Variants in TBC1D9B observed in about 807,000 individuals in gnomAD.
The protein encoded by TBC1D9B is TBC1 domain family, member 9B (with GRAM domain).
In TBC1D9B, 87 loss-of-function variants were observed where a neutral mutation model predicts 121.1. The observed-to-expected ratio is 0.72, with a 90% CI of 0.60 to 0.86. TBC1D9B has a LOEUF of 0.86. Among genes scored for constraint, TBC1D9B ranks in the 40% least tolerant of loss-of-function variants. The pLI, the probability that TBC1D9B is intolerant of heterozygous loss-of-function variation, is 0.00. For synonymous variants in TBC1D9B, 668 were observed against 670.1 expected (o/e 1.00, Z 0.05); for missense variants, 1,540 against 1,628.6 (o/e 0.95, Z 0.94).
In TBC1D9B at chr5:179,888,122, A is replaced by T. The variant is rs1038311823; in HGVS notation, c.1235T>A (p.Val412Asp). 6.2e-7 allele frequency: 1 copy of T among 1,613,730 alleles called. No individual in the cohort carries two copies. The highest frequency in any genetic ancestry group is 8.5e-7 in the Non-Finnish European group (1 of 1,179,930). Reference sequence around the variant, plus strand: ...TCTCACCTCTGTGCTAGGGTCCACAACACTGGCTTTCCTGCTCCCGATACT... The same window carrying T: ...TCTCACCTCTGTGCTAGGGTCCACATCACTGGCTTTCCTGCTCCCGATACT... ...PGSIGSRKAS[V>D]VDPSTESSPA... is the part of the protein sequence containing the mutation. Residue 412 changes from valine (V) to aspartate (D), a missense_variant, in exon 7 of 21, where the codon GTT becomes GAT. Transcript: ENST00000355235.
rs764640772 is a variant in TBC1D9B, at chr5:179,888,301, G to A, written c.1056C>T (p.Val352=). The change falls in exon 7 of 21, where the codon GTC becomes GTT. Residue 352 remains valine (V), a synonymous_variant. Coordinates refer to ENST00000355235, the MANE Select transcript of TBC1D9B (RefSeq NM_015043.4). ...GCACGCTGGAGCTGTCAGCTTTTTC[G>A]ACAATGGTCACCTGAGAAGGTGAAA... The part of the protein sequence containing the change: ...LIIPLREVTI[V]EKADSSSVLP... 4.3e-6 allele frequency: 7 copies of A among 1,610,628 alleles called. No homozygotes were observed. The South Asian group carries it at 6.6e-5, about 15-fold the overall frequency.
At chr5:179,898,480 A>G (rs927253289) in intron 3 of TBC1D9B, among the ~76,000 whole-genome samples, 1 of 148,782 alleles carries the variant, frequency 6.7e-6, no homozygotes, top group African/African-American at 2.5e-5. Flanking sequence ...ATGGAGTCTC[A>G]CTCTGTCACC....
rs1183490314 is a variant in TBC1D9B, at chr5:179,907,210, G to A, written c.118+494C>T. Among the ~76,000 whole-genome samples the A allele has an allele frequency of 8.5e-5, 13 of 152,286 alleles. No individual in the cohort carries two copies. In the East Asian group the frequency reaches 2.5e-3, roughly 29 times the overall value. ...GGAATGGGGGTGCGGCCAGCTCCAG[G>A]GACCTCTGATCTTGCTAAAAGGGCG... On this transcript the variant is annotated intron_variant, in intron 1 of 20. Transcript: ENST00000355235. The surrounding 1 kb of genome is among the most constrained non-coding windows in gnomAD (Gnocchi z 5.3).
chr5:179,892,460 G>C (rs1760893649), intron 5 of TBC1D9B, among the ~76,000 whole-genome samples: 1 of 152,234 alleles, frequency 6.6e-6, no homozygotes, highest in African/African-American at 2.4e-5. Context: ...GGTCAGGCTG[G>C]CTGTGGGACC....
At chr5:179,876,093 C>CT in intron 10 of TBC1D9B, 56 bp from the exon 11 acceptor site, 1 of 1,475,108 alleles carries the variant, frequency 6.8e-7, no homozygotes, top group Non-Finnish European at 9.3e-7. Flanking sequence ...GCAAATAAAA[C>CT]TGTCTCTCCC....
At chr5:179,900,490 C>T (rs185408909) in intron 2 of TBC1D9B, among the ~76,000 whole-genome samples, 2 of 152,256 alleles carry the variant, frequency 1.3e-5, no homozygotes, top group East Asian at 1.9e-4. Context: ...AAGACAGCCT[C>T]AGCCAAGACA....
chr5:179,894,579 G>A lies in TBC1D9B; in HGVS notation c.384C>T (p.Pro128=), dbSNP rs112774492. The A allele has an allele frequency of 3.6e-4, 586 of 1,614,226 alleles. 3 individuals carry two copies. In the African/African-American group the frequency reaches 6.8e-3, roughly 19 times the overall value. ...IIAEENKNLQ[P]QGDEDPGKFK... is the part of the protein sequence containing the mutation. ...ACTTCCCGGGGTCCTCGTCTCCCTG[G>A]GGCTGCAGGTTCTTGTTCTCTTCTG... Residue 128 remains proline (P), a synonymous_variant, in exon 4 of 21, where the codon CCC becomes CCT. Transcript: ENST00000355235.
Position 179,879,106 on chromosome 5 carries a change from G to T in TBC1D9B, c.1508C>A (p.Ala503Glu), listed in dbSNP as rs367934536. 38 of 1,607,604 alleles carry T rather than the reference G, an allele frequency of 2.4e-5. 1 individual carries two copies. The Middle Eastern group carries it at 4.9e-4, about 21-fold the overall frequency. The change falls in exon 9 of 21, where the codon GCA becomes GAA. Residue 503 changes from alanine to glutamate, a missense_variant. By Grantham distance (107) the Ala-to-Glu change is moderately radical. Coordinates refer to ENST00000355235, the MANE Select transcript of TBC1D9B (RefSeq NM_015043.4). ...CTCAGGGATACCCTTCAGGACCAGT[G>T]CCCGCGTCTTGGCTGTGCGGTACAT... ...VCMYRTAKTR[A>E]LVLKGIPESL...
chr5:179,889,395 G>C (rs1188254006), intron 6 of TBC1D9B, among the ~76,000 whole-genome samples: 1 of 152,130 alleles, frequency 6.6e-6, no homozygotes, highest in South Asian at 2.1e-4. Context: ...AGGTCTGAGA[G>C]GGGGAGAGGC....
At chr5:179,894,026 G>A (rs1582099383) in intron 4 of TBC1D9B, among the ~76,000 whole-genome samples, 1 of 152,164 alleles carries the variant, frequency 6.6e-6, no homozygotes, top group East Asian at 1.9e-4. Flanking sequence ...ATGTCTGTAG[G>A]GAGGAACCTG....
intron 8 of TBC1D9B, 116 bp from the exon 9 acceptor site, chr5:179,879,313 CTTCCTCGCAA>C: frequency 1.4e-6 from 2 of 1,442,412 alleles, no homozygotes; most frequent in Non-Finnish European, 1.8e-6. Flanking sequence ...CAAGTGTGGC[CTTCCTCGCAA>C]TTCCCGGGAA....
chr5:179,878,425 C>G lies in TBC1D9B; in HGVS notation c.1666G>C (p.Asp556His). 3 of 1,613,338 alleles carry G rather than the reference C, an allele frequency of 1.9e-6. No individual in the cohort carries two copies. Among genetic ancestry groups the G allele is most frequent in the Non-Finnish European group, 2.5e-6 (3 of 1,179,728 alleles). The change falls in exon 10 of 21, where the codon GAC becomes CAC. Residue 556 changes from aspartate to histidine, a missense_variant. Transcript: ENST00000355235. Reference protein sequence around the residue: ...YSLATEEIERDLHRSMPEHPA... With the variant: ...YSLATEEIERHLHRSMPEHPA... ...TGCTCGGGCATGGAGCGGTGCAGGTCTCGCTCGATCTCCTCTGTGGCCAGG... is the reference window on the plus strand; with the variant it reads ...TGCTCGGGCATGGAGCGGTGCAGGTGTCGCTCGATCTCCTCTGTGGCCAGG...
chr5:179,879,388 C>T (rs944530383), intron 8 of TBC1D9B, 191 bp from the exon 9 acceptor site: 11 of 1,054,682 alleles, frequency 1.0e-5, no homozygotes, highest in African/African-American at 3.2e-5. Context: ...AGCTCCTCAG[C>T]GGGAGGGCCC....
chr5:179,890,633 T>G lies in TBC1D9B; in HGVS notation c.1044+746A>C, dbSNP rs1007599183. On this transcript the variant is annotated intron_variant, in intron 6 of 20. Transcript: ENST00000355235. This position sits in a 1 kb window ranked among gnomAD's most constrained non-coding sequence, Gnocchi z 5.0. ...GGGATTTGTGCAAATGGCAGGGAGG[T>G]CTTTAAGTTAAGAATCTCACTTGAT... 6.6e-6 allele frequency among the ~76,000 whole-genome samples: 1 copy of G among 152,110 alleles called. No homozygotes were observed. The highest frequency in any genetic ancestry group is 2.4e-5 in the African/African-American group (1 of 41,408).
rs2113602610 is a variant in TBC1D9B, at chr5:179,867,845, C to G, written c.2796G>C (p.Leu932=). ...GGGCTGACTCGGCTTCCTCTGGGCTCAGAGCTGTGCTTGGAGAGAAGGCAG... is the reference window on the plus strand; with the variant it reads ...GGGCTGACTCGGCTTCCTCTGGGCTGAGAGCTGTGCTTGGAGAGAAGGCAG... The part of the protein sequence containing the change: ...VLYKLHLPPA[L]SPEEAESALE... The change falls in exon 18 of 21, where the codon CTG becomes CTC. Residue 932 remains leucine (L), a synonymous_variant. Transcript: ENST00000355235. 2 of 1,517,432 alleles carry G rather than the reference C, an allele frequency of 1.3e-6. No individual in the cohort carries two copies. Among genetic ancestry groups the G allele is most frequent in the East Asian group, 2.3e-5 (1 of 43,944 alleles). The allele number at this position is 1,517,432 out of a possible 1,614,324, so 94.0% of individuals were successfully genotyped here. A position where few individuals can be genotyped will look rare whatever the true frequency, so the allele number is the denominator to read the frequency against.
chr5:179,875,786 G>C lies in TBC1D9B; in HGVS notation c.1900+134C>G. 1.6e-6 allele frequency: 1 copy of C among 610,222 alleles called. No individual in the cohort carries two copies. The highest frequency in any genetic ancestry group is 2.7e-6 in the Non-Finnish European group (1 of 366,862). 37.8% of individuals were successfully genotyped at this position (610,222 alleles called of 1,614,324 possible). A position where few individuals can be genotyped will look rare whatever the true frequency, so the allele number is the denominator to read the frequency against. ...TCTGAGGGGACTTTTATAAACCACC[G>C]AATGTGTAATACTACCCTCTAACTC... On this transcript the variant is annotated intron_variant, in intron 11 of 20. Coordinates refer to ENST00000355235, the MANE Select transcript of TBC1D9B (RefSeq NM_015043.4). This position sits in a 1 kb window ranked among gnomAD's most constrained non-coding sequence, Gnocchi z 4.5.
chr5:179,874,891 C>G lies in TBC1D9B; in HGVS notation c.2186+11G>C. 1.9e-6 allele frequency: 3 copies of G among 1,610,928 alleles called. No individual in the cohort carries two copies. Among genetic ancestry groups the G allele is most frequent in the Non-Finnish European group, 2.5e-6 (3 of 1,178,916 alleles). ...TGAGCCCCCAGCAGGAGAAGGAACC[C>G]GGCATGTCACCTGCCCAGCATGGTC... On this transcript the variant is annotated intron_variant, in intron 12 of 20. Transcript: ENST00000355235. The surrounding 1 kb of genome is among the most constrained non-coding windows in gnomAD (Gnocchi z 4.3).
rs1344279209 is a variant in TBC1D9B, at chr5:179,888,357, C to T, written c.1045-45G>A. Reference sequence around the variant, plus strand: ...CTTTTGGGTGTCTGCATCTCAGGCCCTGCAGCTGGGCATGCTTTGTGAATG... The same window carrying T: ...CTTTTGGGTGTCTGCATCTCAGGCCTTGCAGCTGGGCATGCTTTGTGAATG... On this transcript the variant is annotated intron_variant, in intron 6 of 20. Transcript: ENST00000355235. The T allele has an allele frequency of 6.3e-6, 10 of 1,591,712 alleles. No homozygotes were observed. In the African/African-American group the frequency reaches 1.2e-4, roughly 19 times the overall value.
At position 179,879,200 on chromosome 5, in the gene TBC1D9B, G is replaced by A; in HGVS notation, c.1417-3C>T. 1 of 1,598,914 alleles carries A rather than the reference G, an allele frequency of 6.3e-7. No homozygotes were observed. The highest frequency in any genetic ancestry group is 8.5e-7 in the Non-Finnish European group (1 of 1,178,564). On this transcript the variant is annotated splice_region_variant and splice_polypyrimidine_tract_variant and intron_variant, in intron 8 of 20. Coordinates refer to ENST00000355235, the MANE Select transcript of TBC1D9B (RefSeq NM_015043.4). ...TCCTCTTTCATCTTCTCCTTGGCCT[G>A]AGGGAAAAGCGCATCAGGGAGCCTG... is the stretch of plus-strand genomic sequence containing the variant.
Sources: gnomAD v4.1 joint callset for allele counts (sites outside exome capture counted in the v4.1 genomes callset) on GRCh38, gnomAD v4.1.1 for gene constraint, Gnocchi (gnomAD v3.1) non-coding constraint, MANE v1.5 for transcripts, NCBI Gene and HGNC (gene_info 2026-07-23, HGNC 2026-07-21) for gene names.